Variants in SGCD observed in about 807,000 individuals in gnomAD.
SGCD encodes the protein sarcoglycan delta.
Under a neutral mutation model 36.6 loss-of-function variants are expected in SGCD, and 18 were observed. The observed-to-expected ratio is 0.49, with a 90% CI of 0.34 to 0.73. SGCD has a LOEUF of 0.73. Among genes scored for constraint, SGCD ranks in the 30% least tolerant of loss-of-function variants. SGCD has a pLI of 0.01. For synonymous variants in SGCD, 133 were observed against 130.6 expected, an observed-to-expected ratio of 1.02 and a Z score of -0.12; for missense variants, 387 against 346.7, an observed-to-expected ratio of 1.12 and a Z score of -0.92.
At chr5:156,356,658 T>C (rs902216275) in intron 3 of SGCD, among the ~76,000 whole-genome samples, 3 of 152,146 alleles carry the variant, frequency 2.0e-5, no homozygotes, top group African/African-American at 4.8e-5. Context: ...GAGATTGTAA[T>C]GGATTGAATA....
At chr5:156,499,364 G>A (rs1435701192) in intron 3 of SGCD, among the ~76,000 whole-genome samples, 3 of 152,098 alleles carry the variant, frequency 2.0e-5, no homozygotes, top group Non-Finnish European at 2.9e-5. Context: ...TTAGGTATAG[G>A]CAATGTACTG....
intron 3 of SGCD, among the ~76,000 whole-genome samples, chr5:156,277,190 A>G (rs1766339753): frequency 6.6e-6 from 1 of 152,180 alleles, no homozygotes; most frequent in Non-Finnish European, 1.5e-5. Flanking sequence ...TGTGCCAGGC[A>G]AGCCTTACCT....
At chr5:156,708,013 G>T (rs1480569306) in intron 7 of SGCD, among the ~76,000 whole-genome samples, 1 of 151,966 alleles carries the variant, frequency 6.6e-6, no homozygotes. Context: ...ATTCTTTTTT[G>T]AATTCTACCA....
At chr5:155,878,327 C>T (rs1212455621) in intron 1 of SGCD, among the ~76,000 whole-genome samples, 1 of 152,078 alleles carries the variant, frequency 6.6e-6, no homozygotes, top group Non-Finnish European at 1.5e-5. Flanking sequence ...TTCCTCTCTA[C>T]CCTTCTTAGC....
At chr5:155,996,913 A>ATAGG (rs1758564311) in intron 1 of SGCD, among the ~76,000 whole-genome samples, 3 of 152,008 alleles carry the variant, frequency 2.0e-5, no homozygotes, top group African/African-American at 4.8e-5. Context: ...AGATAGACAG[A>ATAGG]CAGACAGGCA....
At chr5:155,837,188 C>T in the SGCD span, among the ~76,000 whole-genome samples, 1 of 152,020 alleles carries the variant, frequency 6.6e-6, no homozygotes, top group Non-Finnish European at 1.5e-5. Flanking sequence ...GACAGAGACT[C>T]ACTGGGTTGC....
chr5:156,569,547 G>A lies in SGCD; in HGVS notation c.295-19684G>A, dbSNP rs1351768580. Among the ~76,000 whole-genome samples the A allele has an allele frequency of 6.6e-5, 10 of 151,088 alleles. No individual in the cohort carries two copies. In the South Asian group the frequency reaches 1.5e-3, roughly 22 times the overall value. Reference sequence around the variant, plus strand: ...GCAGAGGTTGCAGTGAGCCAAGATCGCCCCACTGCACTCCAGCCTGGGCGA... The same window carrying A: ...GCAGAGGTTGCAGTGAGCCAAGATCACCCCACTGCACTCCAGCCTGGGCGA... On this transcript the variant is annotated intron_variant, in intron 4 of 8. Coordinates refer to ENST00000337851, the MANE Select transcript of SGCD (RefSeq NM_000337.6).
chr5:156,459,288 T>C (rs1402190700), intron 3 of SGCD, among the ~76,000 whole-genome samples: 1 of 152,202 alleles, frequency 6.6e-6, no homozygotes, highest in Non-Finnish European at 1.5e-5. Flanking sequence ...TGTTCAATGT[T>C]CTAGAAGAAA....
At chr5:155,897,437 A>G (rs1483979234) in intron 1 of SGCD, among the ~76,000 whole-genome samples, 1 of 152,136 alleles carries the variant, frequency 6.6e-6, no homozygotes, top group African/African-American at 2.4e-5. Context: ...CAGACTTTAT[A>G]AACACTGTCC....
At chr5:156,320,776 T>C (rs915294514) in intron 3 of SGCD, among the ~76,000 whole-genome samples, 1 of 152,222 alleles carries the variant, frequency 6.6e-6, no homozygotes, top group African/African-American at 2.4e-5. Flanking sequence ...CTCAAAATGT[T>C]TGGGTCACTG....
intron 3 of SGCD, among the ~76,000 whole-genome samples, chr5:156,213,662 A>G (rs1250429681): frequency 6.6e-6 from 1 of 152,098 alleles, no homozygotes; most frequent in Non-Finnish European, 1.5e-5. Context: ...TGCCACTGTA[A>G]GGAAAATTTA....
At chr5:155,990,102 C>T (rs907421683) in intron 1 of SGCD, among the ~76,000 whole-genome samples, 15 of 152,136 alleles carry the variant, frequency 9.9e-5, no homozygotes, top group African/African-American at 3.6e-4. Context: ...GCTGTCAGAG[C>T]CAGCATTTGA....
intron 3 of SGCD, among the ~76,000 whole-genome samples, chr5:156,479,056 C>T (rs963752354): frequency 6.6e-5 from 10 of 152,088 alleles, no homozygotes; most frequent in East Asian, 1.9e-4. Context: ...AACATTAAGA[C>T]ACTTTTAGAT....
the SGCD span, among the ~76,000 whole-genome samples, chr5:155,847,881 A>G: frequency 6.6e-6 from 1 of 152,242 alleles, no homozygotes; most frequent in African/African-American, 2.4e-5. Flanking sequence ...ATGAAATACA[A>G]TGATAATAAA....
intron 7 of SGCD, among the ~76,000 whole-genome samples, chr5:156,716,424 A>C (rs1755225943): frequency 6.6e-6 from 1 of 152,204 alleles, no homozygotes; most frequent in East Asian, 1.9e-4. Flanking sequence ...ACTGATTTCC[A>C]GAGGGGACTT....
intron 1 of SGCD, among the ~76,000 whole-genome samples, chr5:156,058,477 G>C (rs1298395032): frequency 1.4e-5 from 2 of 145,746 alleles, no homozygotes; most frequent in African/African-American, 4.9e-5. Context: ...GGGGATGGGG[G>C]AGGCTGAGAC....
At chr5:156,618,346 G>A (rs1358345170) in intron 6 of SGCD, among the ~76,000 whole-genome samples, 1 of 152,026 alleles carries the variant, frequency 6.6e-6, no homozygotes, top group Non-Finnish European at 1.5e-5. Flanking sequence ...GTTCTTCTGT[G>A]GCACCTCATT....
intron 3 of SGCD, among the ~76,000 whole-genome samples, chr5:156,147,307 A>G (rs1762727615): frequency 6.6e-6 from 1 of 152,232 alleles, no homozygotes; most frequent in South Asian, 2.1e-4. Context: ...TCTTTGTGTG[A>G]GCTTGTTAAG....
In SGCD at chr5:156,762,799, CAA is replaced by C. The variant is rs1176475033; in HGVS notation, c.*3411_*3412del. ...TACTTACTATTTAGTCCTTTACAGG[CAA>C]AGTTTCCTCACCCCTGACCTAGAGG... On this transcript the variant is annotated 3_prime_UTR_variant, in exon 9 of 9. Transcript: ENST00000337851. The C allele has an allele frequency of 1.3e-5, 2 of 152,316 alleles. No homozygotes were observed. The highest frequency in any genetic ancestry group is 2.9e-5 in the Non-Finnish European group (2 of 68,048). 9.4% of individuals were successfully genotyped at this position (152,316 alleles called of 1,614,324 possible). A position where few individuals can be genotyped will look rare whatever the true frequency, so the allele number is the denominator to read the frequency against.
Sources: gnomAD v4.1 joint callset for allele counts (sites outside exome capture counted in the v4.1 genomes callset) on GRCh38, gnomAD v4.1.1 for gene constraint, MANE v1.5 for transcripts, NCBI Gene and HGNC (gene_info 2026-07-23, HGNC 2026-07-21) for gene names.